FGF14: variants seen among roughly 807,000 people sequenced by gnomAD.
The protein encoded by FGF14 is fibroblast growth factor 14.
Under a neutral mutation model 25.5 loss-of-function variants are expected in FGF14, and 5 were observed. That is an observed-to-expected ratio of 0.20 (90% CI 0.10 to 0.41). The LOEUF (loss-of-function observed/expected upper bound fraction) is 0.41, where lower values mean the gene tolerates loss of function less well. Ranked by LOEUF, FGF14 falls within the 10% of genes least tolerant of loss-of-function variation. FGF14 has a pLI of 1.00. For missense variants in FGF14, 222 were observed against 320.1 expected (o/e 0.69, Z 2.34); for synonymous variants, 138 against 118.3 (o/e 1.17, Z -1.08).
intron 1 of FGF14, among the ~76,000 whole-genome samples, chr13:102,155,052 A>C (rs1288452978): frequency 6.6e-6 from 1 of 152,218 alleles, no homozygotes; most frequent in Non-Finnish European, 1.5e-5. Flanking sequence ...AGACTCCCAC[A>C]CAATAATAAT....
At chr13:102,182,826 T>C (rs1031952153) in intron 1 of FGF14, among the ~76,000 whole-genome samples, 8 of 152,212 alleles carry the variant, frequency 5.3e-5, no homozygotes, top group African/African-American at 1.9e-4. Flanking sequence ...AAGATTTGTA[T>C]AGTTGTACTT....
chr13:101,948,956 T>C (rs960773834), intron 1 of FGF14, among the ~76,000 whole-genome samples: 5 of 152,270 alleles, frequency 3.3e-5, no homozygotes, highest in South Asian at 2.1e-4. Context: ...CAAGTGACTA[T>C]GATGGTCTCA....
chr13:102,374,631 T>C (rs1231855584), intron 1 of FGF14, among the ~76,000 whole-genome samples: 1 of 134,362 alleles, frequency 7.4e-6, no homozygotes, highest in Non-Finnish European at 1.6e-5. Context: ...TTTTAATACA[T>C]ATCTTACATA....
chr13:102,142,752 C>T (rs1480827143), intron 1 of FGF14, among the ~76,000 whole-genome samples: 1 of 152,134 alleles, frequency 6.6e-6, no homozygotes, highest in African/African-American at 2.4e-5. Context: ...ATCACTAATT[C>T]ACAGTAGCAT....
At chr13:102,134,519 G>C (rs2046327542) in intron 1 of FGF14, among the ~76,000 whole-genome samples, 1 of 152,198 alleles carries the variant, frequency 6.6e-6, no homozygotes, top group Admixed American at 6.5e-5. Context: ...TATGTAGCCT[G>C]TCTTAGCATT....
intron 1 of FGF14, among the ~76,000 whole-genome samples, chr13:102,020,189 G>T (rs1251483816): frequency 1.3e-5 from 2 of 152,074 alleles, no homozygotes; most frequent in Admixed American, 1.3e-4. Flanking sequence ...AGGGACATGA[G>T]AGTGGTTGCA....
intron 3 of FGF14, chr13:101,779,027 A>G (rs2039323445): frequency 6.6e-6 from 1 of 152,190 alleles, no homozygotes. Context: ...TGATCATGCC[A>G]TCTCCCCTGC....
chr13:101,799,294 T>C (rs1022823336), intron 3 of FGF14, among the ~76,000 whole-genome samples: 6 of 152,088 alleles, frequency 3.9e-5, no homozygotes, highest in South Asian at 2.1e-4. Context: ...TCATAGGATA[T>C]ATGAGCCCAA....
At chr13:101,852,242 T>C (rs889385349) in intron 3 of FGF14, among the ~76,000 whole-genome samples, 8 of 151,986 alleles carry the variant, frequency 5.3e-5, no homozygotes, top group African/African-American at 1.9e-4. Context: ...AAAGCTGACG[T>C]CAAGAAAACG....
At chr13:101,826,209 T>C (rs528831324) in intron 3 of FGF14, among the ~76,000 whole-genome samples, 4 of 152,196 alleles carry the variant, frequency 2.6e-5, no homozygotes, top group Admixed American at 6.5e-5. Context: ...GTCTTTTTTC[T>C]ACCATTCTCT....
At chr13:102,177,378 G>T (rs2048491660) in intron 1 of FGF14, among the ~76,000 whole-genome samples, 1 of 152,118 alleles carries the variant, frequency 6.6e-6, no homozygotes, top group African/African-American at 2.4e-5. Flanking sequence ...TTCAGCCCTA[G>T]TGTCCTTTAA....
chr13:101,832,316 G>GGC (rs2042711191), intron 3 of FGF14, among the ~76,000 whole-genome samples: 1 of 152,062 alleles, frequency 6.6e-6, no homozygotes, highest in Admixed American at 6.6e-5. Flanking sequence ...ACTGATCTCT[G>GGC]ACCTCTGGCC....
intron 1 of FGF14, among the ~76,000 whole-genome samples, chr13:102,181,413 A>G (rs2048669728): frequency 6.6e-6 from 1 of 152,186 alleles, no homozygotes; most frequent in South Asian, 2.1e-4. Context: ...CTAATCCCTG[A>G]TACCCATGAA....
chr13:101,711,451 G>T lies in FGF14; in HGVS notation c.*11380C>A, dbSNP rs9585759. 0.098 allele frequency: 14,888 copies of T among 152,326 alleles called. 944 individuals are homozygous for T. Among genetic ancestry groups the T allele is most frequent in the African/African-American group, 0.18 (7,480 of 41,512 alleles). The allele number at this position is 152,326 out of a possible 1,614,324, so 9.4% of individuals were successfully genotyped here. ...GCTTCACAAAATCGGCCTCAGCCTG[G>T]TGTTCAAGTTGCCTCGCTCAATATG... On this transcript the variant is annotated 3_prime_UTR_variant, in exon 5 of 5. Coordinates refer to ENST00000376143, the MANE Select transcript of FGF14 (RefSeq NM_004115.4).
At chr13:101,891,460 A>G (rs2046263094) in intron 1 of FGF14, among the ~76,000 whole-genome samples, 1 of 152,162 alleles carries the variant, frequency 6.6e-6, no homozygotes, top group South Asian at 2.1e-4. Context: ...TCTGGTCCTC[A>G]TAGTCTGCTC....
chr13:102,142,906 A>G (rs2046701314), intron 1 of FGF14, among the ~76,000 whole-genome samples: 1 of 152,188 alleles, frequency 6.6e-6, no homozygotes, highest in Admixed American at 6.6e-5. Context: ...TAAAAACAAC[A>G]TACGCTTTTA....
chr13:101,854,154 G>C (rs1234867547), intron 3 of FGF14, among the ~76,000 whole-genome samples: 1 of 152,084 alleles, frequency 6.6e-6, no homozygotes, highest in Non-Finnish European at 1.5e-5. Context: ...CTCAAACTGT[G>C]TGCGTACAAT....
At chr13:101,733,400 T>C (rs916259064) in intron 3 of FGF14, among the ~76,000 whole-genome samples, 3 of 151,854 alleles carry the variant, frequency 2.0e-5, no homozygotes, top group Non-Finnish European at 4.4e-5. Flanking sequence ...ATGGAGACCA[T>C]CCTGGCCAAC....
At chr13:102,347,957 C>G (rs2057160958) in intron 1 of FGF14, among the ~76,000 whole-genome samples, 1 of 150,292 alleles carries the variant, frequency 6.7e-6, no homozygotes, top group African/African-American at 2.5e-5. Flanking sequence ...AAAATAGATA[C>G]AGCAATATCT....
Sources: gnomAD v4.1 joint callset for allele counts (sites outside exome capture counted in the v4.1 genomes callset) on GRCh38, gnomAD v4.1.1 for gene constraint, MANE v1.5 for transcripts, NCBI Gene and HGNC (gene_info 2026-07-23, HGNC 2026-07-21) for gene names.